KDM4A: variants seen among roughly 807,000 people sequenced by gnomAD.
KDM4A encodes lysine-specific demethylase 4A.
Under a neutral mutation model 127.1 loss-of-function variants are expected in KDM4A, and 23 were observed. The ratio of observed to expected loss-of-function variants is 0.18; its 90% confidence interval spans 0.13 to 0.26. The LOEUF is 0.26. Ranked by LOEUF, KDM4A falls within the 10% of genes least tolerant of loss-of-function variation. The pLI is 1.00. For synonymous variants in KDM4A, 443 were observed against 466.5 expected (o/e 0.95, Z 0.65); for missense variants, 890 against 1,329.1 (o/e 0.67, Z 5.14).
chr1:43,691,193 G>C, intron 14 of KDM4A, 144 bp downstream of exon 14: 1 of 811,570 alleles, frequency 1.2e-6, no homozygotes. Context: ...ATTTTTCACT[G>C]TCTCCAGGGG....
intron 4 of KDM4A, among the ~76,000 whole-genome samples, chr1:43,662,432 AC>A (rs557003483): frequency 7.8e-4 from 118 of 151,808 alleles, no homozygotes; most frequent in Non-Finnish European, 1.5e-3. Context: ...AGATGGTGAA[AC>A]CCCGGCTCTA....
At chr1:43,691,693 G>A in intron 15 of KDM4A, 121 bp downstream of exon 15, 1 of 813,430 alleles carries the variant, frequency 1.2e-6, no homozygotes, top group South Asian at 1.4e-5. Context: ...ACGCGGTGAT[G>A]TCAGAGAGCG....
At chr1:43,703,481 A>AT (rs1208439278) in intron 19 of KDM4A, 136 bp from the exon 20 acceptor site, 57 of 1,124,224 alleles carry the variant, frequency 5.1e-5, no homozygotes, top group Non-Finnish European at 6.0e-5. Flanking sequence ...AACTGTTAAC[A>AT]TTTTTCAGCC....
At chr1:43,701,157 G>T (rs958486574) in intron 19 of KDM4A, among the ~76,000 whole-genome samples, 1 of 151,534 alleles carries the variant, frequency 6.6e-6, no homozygotes, top group Non-Finnish European at 1.5e-5. Flanking sequence ...TTGACCTCGT[G>T]ATCTGCCCGC....
intron 10 of KDM4A, among the ~76,000 whole-genome samples, chr1:43,670,587 G>A (rs1369132041): frequency 4.5e-5 from 6 of 134,720 alleles, no homozygotes; most frequent in South Asian, 2.4e-4. Context: ...TTTTTGAGAC[G>A]GAGTCTCACT....
rs766131264 is a variant in KDM4A at position 43,692,310 on chromosome 1, A to T, written c.2374A>T (p.Arg792Trp). The change falls in exon 16 of 22, where the codon AGG becomes TGG. Residue 792 changes from arginine to tryptophan, a missense_variant and splice_region_variant. Physicochemically the swap from Arg to Trp is moderately radical, Grantham distance 101 (BLOSUM62 -3). Around this residue, in one of 7 missense-constraint regions of KDM4A, gnomAD observed 246 missense variants for 418.4 expected, o/e 0.59. Transcript: ENST00000372396. ...GGCCCTGCAGAGAGCAAATGATGACAGGTAAGTTTCCTGAGCAGTGCCTTG... is the reference window on the plus strand; with the variant it reads ...GGCCCTGCAGAGAGCAAATGATGACTGGTAAGTTTCCTGAGCAGTGCCTTG... ...GGALQRANDD[R>W]WVHVSCAVAI... The T allele has an allele frequency of 6.2e-7, 1 of 1,613,780 alleles. No homozygotes were observed. Among genetic ancestry groups the T allele is most frequent in the African/African-American group, 1.3e-5 (1 of 74,916 alleles).
chr1:43,703,175 C>A (rs1156624470), intron 19 of KDM4A, among the ~76,000 whole-genome samples: 1 of 151,978 alleles, frequency 6.6e-6, no homozygotes, highest in East Asian at 2.0e-4. Flanking sequence ...ATCTCCTGAC[C>A]TGGTGATCTG....
Position 43,704,772 on chromosome 1 carries a change from T to C in KDM4A, c.*402T>C, listed in dbSNP as rs999709713. 1.4e-5 allele frequency: 3 copies of C among 216,420 alleles called. No homozygotes were observed. Among genetic ancestry groups the C allele is most frequent in the Non-Finnish European group, 1.8e-5 (2 of 108,484 alleles). The allele number at this position is 216,420 out of a possible 1,614,324, so 13.4% of individuals were successfully genotyped here. A position where few individuals can be genotyped will look rare whatever the true frequency, so the allele number is the denominator to read the frequency against. On this transcript the variant is annotated 3_prime_UTR_variant, in exon 22 of 22. Coordinates refer to ENST00000372396, the MANE Select transcript of KDM4A (RefSeq NM_014663.3). ...CAACCCCTACTTTTGTATTTATATG[T>C]GTGTGTGTGTGTGCGTGCGTGCGTG...
chr1:43,673,313 G>A (rs940117234), intron 11 of KDM4A, among the ~76,000 whole-genome samples: 2 of 152,094 alleles, frequency 1.3e-5, no homozygotes, highest in African/African-American at 4.8e-5. Flanking sequence ...TTTTAAAAAT[G>A]TATCTTAAAA....
At chr1:43,670,102 A>G (rs1660584500) in intron 10 of KDM4A, among the ~76,000 whole-genome samples, 1 of 152,142 alleles carries the variant, frequency 6.6e-6, no homozygotes, top group South Asian at 2.1e-4. Context: ...TGCCATTTTC[A>G]TTTGCTCACT....
chr1:43,685,371 G>A (rs1339397746), intron 12 of KDM4A, among the ~76,000 whole-genome samples: 1 of 151,918 alleles, frequency 6.6e-6, no homozygotes, highest in Non-Finnish European at 1.5e-5. Context: ...AGAGTCAATC[G>A]TACATGTTAC....
intron 1 of KDM4A, among the ~76,000 whole-genome samples, chr1:43,652,713 C>A (rs1300742139): frequency 7.2e-6 from 1 of 138,124 alleles, no homozygotes; most frequent in Non-Finnish European, 1.5e-5. Flanking sequence ...CGGAGTTTCG[C>A]TCTTGTTGCC....
chr1:43,694,195 A>G lies in KDM4A; in HGVS notation c.2484+93A>G. The stretch of plus-strand genomic sequence containing the variant: ...TCCTGTACCCCTTGGTTTTGGTTAG[A>G]GTTTGTGATTCTCACTCTGTGGTTA... On this transcript the variant is annotated intron_variant, in intron 17 of 21. Coordinates refer to ENST00000372396, the MANE Select transcript of KDM4A (RefSeq NM_014663.3). The surrounding 1 kb of genome is among the most constrained non-coding windows in gnomAD (Gnocchi z 5.2). 2.1e-6 allele frequency: 2 copies of G among 967,300 alleles called. No individual in the cohort carries two copies. The highest frequency in any genetic ancestry group is 2.6e-5 in the East Asian group (1 of 38,228). The allele number at this position is 967,300 out of a possible 1,614,324, so 59.9% of individuals were successfully genotyped here.
chr1:43,696,589 A>G (rs1170025548), intron 18 of KDM4A, among the ~76,000 whole-genome samples: 1 of 152,212 alleles, frequency 6.6e-6, no homozygotes, highest in Admixed American at 6.5e-5. Flanking sequence ...GAGTGTCTCA[A>G]GGGCCCTGCC....
At chr1:43,695,461 T>C (rs1434031990) in intron 18 of KDM4A, among the ~76,000 whole-genome samples, 1 of 152,086 alleles carries the variant, frequency 6.6e-6, no homozygotes, top group African/African-American at 2.4e-5. Context: ...AGAAACAGAA[T>C]GAACAGGTCG....
At chr1:43,673,238 G>A (rs948395102) in intron 11 of KDM4A, among the ~76,000 whole-genome samples, 2 of 152,236 alleles carry the variant, frequency 1.3e-5, no homozygotes, top group South Asian at 4.2e-4. Context: ...TCTTTGGTGA[G>A]GGGTGGGAGA....
At chr1:43,686,658 A>T (rs1024444007) in intron 12 of KDM4A, among the ~76,000 whole-genome samples, 1 of 152,170 alleles carries the variant, frequency 6.6e-6, no homozygotes, top group African/African-American at 2.4e-5. Context: ...TTTAATCTTC[A>T]GTCCATGCCC....
intron 5 of KDM4A, among the ~76,000 whole-genome samples, chr1:43,663,497 C>CT (rs1187384593): frequency 6.6e-6 from 1 of 152,164 alleles, no homozygotes; most frequent in Non-Finnish European, 1.5e-5. Flanking sequence ...GCAGTGTGTG[C>CT]TTAACACATA....
rs779878154 is a variant in KDM4A at position 43,671,490 on chromosome 1, G to T, written c.1364-15G>T. The T allele has an allele frequency of 9.7e-6, 15 of 1,539,818 alleles. No homozygotes were observed. The highest frequency in any genetic ancestry group is 1.4e-5 in the African/African-American group (1 of 72,380). On this transcript the variant is annotated splice_polypyrimidine_tract_variant and intron_variant, in intron 10 of 21. Coordinates refer to ENST00000372396, the MANE Select transcript of KDM4A (RefSeq NM_014663.3). ...GGAGGAACTTGGCTCTGTCTAATGT[G>T]TATGTGTGTTTCAGATTATTCTGAC...
Sources: allele counts gnomAD v4.1 joint callset (sites outside exome capture counted in the v4.1 genomes callset), GRCh38; gene constraint gnomAD v4.1.1; regional missense constraint gnomAD v4.1.1; non-coding constraint Gnocchi (gnomAD v3.1); transcripts MANE v1.5; gene names NCBI Gene and HGNC (gene_info 2026-07-23, HGNC 2026-07-21).